Variants in KDM5A observed in about 807,000 individuals in gnomAD.
The protein encoded by KDM5A is lysine-specific demethylase 5A.
KDM5A carries 42 observed loss-of-function variants against 193.5 expected under a neutral mutation model. The ratio of observed to expected loss-of-function variants is 0.22; its 90% confidence interval spans 0.17 to 0.28. The LOEUF (loss-of-function observed/expected upper bound fraction) is 0.28, where lower values mean the gene tolerates loss of function less well. KDM5A is among the 10% of genes least tolerant of loss of function. KDM5A has a pLI of 1.00. For synonymous variants in KDM5A, 796 were observed against 718.1 expected (o/e 1.11, Z -1.73); for missense variants, 1,692 against 2,055.1 (o/e 0.82, Z 3.42).
At chr12:349,299 T>G (rs1400574922) in intron 10 of KDM5A, among the ~76,000 whole-genome samples, 1 of 147,632 alleles carries the variant, frequency 6.8e-6, no homozygotes, top group Non-Finnish European at 1.5e-5. Flanking sequence ...GGATTACAGG[T>G]GTGAGCCCCC....
intron 14 of KDM5A, among the ~76,000 whole-genome samples, chr12:327,144 T>C (rs1054372271): frequency 1.3e-5 from 2 of 152,134 alleles, no homozygotes; most frequent in African/African-American, 4.8e-5. Context: ...GTGGAAGGTA[T>C]GTTTAAAGAA....
chr12:288,585 G>A (rs1225433805), intron 27 of KDM5A, among the ~76,000 whole-genome samples: 2 of 152,088 alleles, frequency 1.3e-5, no homozygotes, highest in African/African-American at 4.8e-5. Context: ...GAATAGTACT[G>A]CACTGGGAAA....
In KDM5A at chr12:306,779, A is replaced by G. The variant is rs1468978601; in HGVS notation, c.4074+167T>C. ...AAAAAAATTGTTTCAGCAACCTGTAATGTTTTGAGTTTTGAAAAAATGCTA... is the reference window on the plus strand; with the variant it reads ...AAAAAAATTGTTTCAGCAACCTGTAGTGTTTTGAGTTTTGAAAAAATGCTA... On this transcript the variant is annotated intron_variant, in intron 24 of 27. Coordinates refer to ENST00000399788, the MANE Select transcript of KDM5A (RefSeq NM_001042603.3). 28 of 752,926 alleles carry G rather than the reference A, an allele frequency of 3.7e-5. No homozygotes were observed. In the South Asian group the frequency reaches 4.2e-4, roughly 11 times the overall value. The allele number at this position is 752,926 out of a possible 1,614,324, so 46.6% of individuals were successfully genotyped here.
At chr12:322,918 T>C (rs1943736146) in intron 16 of KDM5A, among the ~76,000 whole-genome samples, 164 bp downstream of exon 16, 1 of 152,106 alleles carries the variant, frequency 6.6e-6, no homozygotes, top group African/African-American at 2.4e-5. Flanking sequence ...AACAAGATTC[T>C]CAAATAGAAA....
intron 8 of KDM5A, among the ~76,000 whole-genome samples, 175 bp from the exon 9 acceptor site, chr12:352,499 G>C (rs1476273633): frequency 6.6e-6 from 1 of 152,128 alleles, no homozygotes; most frequent in East Asian, 1.9e-4. Flanking sequence ...TTATTTTCTA[G>C]AGCCTCAACT....
chr12:327,785 G>C (rs1290208214), intron 14 of KDM5A, among the ~76,000 whole-genome samples: 7 of 152,212 alleles, frequency 4.6e-5, no homozygotes, highest in African/African-American at 1.7e-4. Context: ...GGCCAAGGCA[G>C]GAGGACTGCT....
intron 24 of KDM5A, among the ~76,000 whole-genome samples, chr12:306,704 T>C (rs1005836636): frequency 6.6e-5 from 10 of 151,434 alleles, no homozygotes; most frequent in South Asian, 4.2e-4. Context: ...GATCGCGCCA[T>C]TGCATTCCAG....
At chr12:305,297 T>C (rs1377085656) in intron 24 of KDM5A, among the ~76,000 whole-genome samples, 2 of 152,212 alleles carry the variant, frequency 1.3e-5, no homozygotes, top group Non-Finnish European at 2.9e-5. Context: ...AAAAGATTAT[T>C]TGAACAGTCT....
At chr12:304,913 T>A (rs903434616) in intron 24 of KDM5A, among the ~76,000 whole-genome samples, 2 of 152,186 alleles carry the variant, frequency 1.3e-5, no homozygotes, top group South Asian at 2.1e-4. Flanking sequence ...GTGATTCCAG[T>A]ATTCAAGGAA....
Position 322,566 on chromosome 12 carries a change from A to T in KDM5A, c.2277T>A (p.Asp759Glu), listed in dbSNP as rs1201468212. 6.2e-7 allele frequency: 1 copy of T among 1,611,416 alleles called. No individual in the cohort carries two copies. The highest frequency in any genetic ancestry group is 8.5e-7 in the Non-Finnish European group (1 of 1,178,824). Residue 759 changes from aspartate to glutamate, a missense_variant and splice_region_variant, in exon 17 of 28, where the codon GAT becomes GAA. Physicochemically the swap from Asp to Glu is conservative, Grantham distance 45. Coordinates refer to ENST00000399788, the MANE Select transcript of KDM5A (RefSeq NM_001042603.3). The part of the protein sequence containing the change: ...ALSANFNHKK[D>E]LIELRVMLED... ...CCAGCATTACTCGCAATTCAATCAAATCTGTAAAAATTTAAATAAAGAGCC... is the reference window on the plus strand; with the variant it reads ...CCAGCATTACTCGCAATTCAATCAATTCTGTAAAAATTTAAATAAAGAGCC...
At chr12:387,935 ACAT>A in intron 1 of KDM5A, among the ~76,000 whole-genome samples, 1 of 152,276 alleles carries the variant, frequency 6.6e-6, no homozygotes, top group East Asian at 1.9e-4. Flanking sequence ...ACTAGACAAA[ACAT>A]AAAGCAAAAT....
intron 12 of KDM5A, 61 bp from the exon 13 acceptor site, chr12:331,999 G>A: frequency 6.7e-7 from 1 of 1,487,018 alleles, no homozygotes; most frequent in African/African-American, 1.4e-5. Flanking sequence ...AACAGAGGAA[G>A]ACAGATTTTA....
intron 17 of KDM5A, 23 bp from the exon 18 acceptor site, chr12:321,132 T>C (rs1345975414): frequency 3.9e-6 from 6 of 1,525,640 alleles, no homozygotes; most frequent in Admixed American, 1.7e-5. Context: ...AATATTGAGA[T>C]ATAAGTAAGA....
At chr12:387,814 T>A (rs1057081625) in intron 1 of KDM5A, among the ~76,000 whole-genome samples, 8 of 152,220 alleles carry the variant, frequency 5.3e-5, no homozygotes, top group African/African-American at 1.9e-4. Context: ...CGCTGTCATT[T>A]AAGTTTTTAA....
chr12:324,258 C>T (rs1943756766), intron 14 of KDM5A, among the ~76,000 whole-genome samples: 1 of 151,806 alleles, frequency 6.6e-6, no homozygotes, highest in Non-Finnish European at 1.5e-5. Context: ...GATAGTACTG[C>T]TGCACTCCAA....
intron 24 of KDM5A, among the ~76,000 whole-genome samples, chr12:302,023 G>A (rs1190016790): frequency 1.3e-5 from 2 of 152,054 alleles, no homozygotes; most frequent in East Asian, 1.9e-4. Flanking sequence ...AAATAAAAGA[G>A]GATACAAACA....
At chr12:345,680 G>A (rs1446762020) in intron 10 of KDM5A, among the ~76,000 whole-genome samples, 4 of 152,230 alleles carry the variant, frequency 2.6e-5, no homozygotes, top group East Asian at 1.9e-4. Flanking sequence ...GGTAAATAAC[G>A]AAATGAAGGC....
intron 14 of KDM5A, among the ~76,000 whole-genome samples, chr12:326,678 G>C (rs1266479820): frequency 6.6e-6 from 1 of 152,074 alleles, no homozygotes; most frequent in African/African-American, 2.4e-5. Context: ...TGGCTAACAA[G>C]GCAAAACCCC....
rs1319058550 is a variant in KDM5A at position 310,103 on chromosome 12, A to ATTC, written c.3217-142_3217-140dup. 6.5e-6 allele frequency: 5 copies of ATTC among 771,686 alleles called. No individual in the cohort carries two copies. In the Admixed American group the frequency reaches 1.4e-4, roughly 21 times the overall value. The allele number at this position is 771,686 out of a possible 1,614,324, so 47.8% of individuals were successfully genotyped here. A position where few individuals can be genotyped will look rare whatever the true frequency, so the allele number is the denominator to read the frequency against. The stretch of plus-strand genomic sequence containing the variant: ...GGACTTTATACACATGATCTAATTC[A>ATTC]TTCCTCACAACAACCCTATGTAGTA... On this transcript the variant is annotated intron_variant, in intron 21 of 27. Coordinates refer to ENST00000399788, the MANE Select transcript of KDM5A (RefSeq NM_001042603.3).
Sources: allele counts gnomAD v4.1 joint callset (sites outside exome capture counted in the v4.1 genomes callset), GRCh38; gene constraint gnomAD v4.1.1; transcripts MANE v1.5; gene names NCBI Gene and HGNC (gene_info 2026-07-23, HGNC 2026-07-21).